ULK4: variants seen among roughly 807,000 people sequenced by gnomAD.
ULK4 encodes unc-51 like kinase 4.
A neutral mutation model predicts 160.6 loss-of-function variants in ULK4; 133 were observed. The ratio of observed to expected loss-of-function variants is 0.83; its 90% CI spans 0.72 to 0.96. The LOEUF is 0.96. ULK4 is among the 40% of genes least tolerant of loss of function. The pLI, the probability that ULK4 is intolerant of heterozygous loss-of-function variation, is 0.00. For missense variants in ULK4, 1,580 were observed against 1,499.5 expected (o/e 1.05, Z -0.89); for synonymous variants, 534 against 539.8 (o/e 0.99, Z 0.15).
At chr3:41,689,528 C>T (rs1171573027) in intron 27 of ULK4, among the ~76,000 whole-genome samples, 3 of 152,064 alleles carry the variant, frequency 2.0e-5, no homozygotes, top group Non-Finnish European at 1.5e-5. Flanking sequence ...AGAAAATTTT[C>T]GCAACCTACT....
Position 41,896,900 on chromosome 3 carries a change from G to C in ULK4, c.1452C>G (p.Ala484=). The C allele has an allele frequency of 6.2e-7, 1 of 1,613,546 alleles. No homozygotes were observed. Among genetic ancestry groups the C allele is most frequent in the Non-Finnish European group, 8.5e-7 (1 of 1,179,856 alleles). Residue 484 remains alanine, a synonymous_variant, in exon 15 of 37, where the codon GCC becomes GCG. Coordinates refer to ENST00000301831, the MANE Select transcript of ULK4 (RefSeq NM_017886.4). Reference sequence around the variant, plus strand: ...ACAAATAGCAAAGGAGATTCAGCTTGGCTCGGGAGGCCCCCATGCTCTTCT... The same window carrying C: ...ACAAATAGCAAAGGAGATTCAGCTTCGCTCGGGAGGCCCCCATGCTCTTCT... ...STEKSMGASR[A]KLNLLCYLCV... is the part of the protein sequence containing the mutation.
chr3:41,570,465 C>T (rs538443675), intron 31 of ULK4, among the ~76,000 whole-genome samples: 1 of 151,934 alleles, frequency 6.6e-6, no homozygotes, highest in Admixed American at 6.6e-5. Context: ...AAGTAACCAA[C>T]GATACATAAA....
intron 32 of ULK4, among the ~76,000 whole-genome samples, chr3:41,495,970 A>G (rs2084973373): frequency 6.6e-6 from 1 of 152,120 alleles, no homozygotes; most frequent in Non-Finnish European, 1.5e-5. Context: ...AGAAGCCATA[A>G]AAGATTTATA....
At chr3:41,564,970 C>T (rs1184434220) in intron 32 of ULK4, among the ~76,000 whole-genome samples, 3 of 152,096 alleles carry the variant, frequency 2.0e-5, no homozygotes, top group African/African-American at 7.2e-5. Flanking sequence ...CATATGTTTG[C>T]CACACCTCTT....
At chr3:41,608,484 C>G (rs1420983262) in intron 31 of ULK4, among the ~76,000 whole-genome samples, 2 of 152,132 alleles carry the variant, frequency 1.3e-5, no homozygotes, top group African/African-American at 4.8e-5. Context: ...GAAAAAGTAA[C>G]ATTCATTGGT....
At chr3:41,458,707 G>C (rs1444877904) in intron 33 of ULK4, among the ~76,000 whole-genome samples, 1 of 152,130 alleles carries the variant, frequency 6.6e-6, no homozygotes, top group Non-Finnish European at 1.5e-5. Context: ...ATACACAGAA[G>C]TAAGGCATCT....
chr3:41,256,964 C>G (rs978950397), intron 35 of ULK4, among the ~76,000 whole-genome samples: 1 of 152,170 alleles, frequency 6.6e-6, no homozygotes, highest in Non-Finnish European at 1.5e-5. Context: ...AAGCAATCTT[C>G]TTGCTTGGCC....
chr3:41,329,661 T>C (rs1261744128), intron 35 of ULK4, among the ~76,000 whole-genome samples: 1 of 152,244 alleles, frequency 6.6e-6, no homozygotes, highest in Non-Finnish European at 1.5e-5. Context: ...TACCTCATTA[T>C]TTTTAAGAAC....
At chr3:41,301,543 A>G (rs2079797886) in intron 35 of ULK4, among the ~76,000 whole-genome samples, 1 of 152,232 alleles carries the variant, frequency 6.6e-6, no homozygotes, top group Non-Finnish European at 1.5e-5. Context: ...AGCACTGGGT[A>G]GAAGAGTTGA....
chr3:41,859,022 C>T (rs2042436988), intron 17 of ULK4, among the ~76,000 whole-genome samples: 1 of 152,136 alleles, frequency 6.6e-6, no homozygotes, highest in Admixed American at 6.6e-5. Context: ...AGGCAGGAGC[C>T]ATCTTCAAAT....
At chr3:41,801,754 G>C (rs2040465939) in intron 19 of ULK4, among the ~76,000 whole-genome samples, 1 of 152,004 alleles carries the variant, frequency 6.6e-6, no homozygotes, top group Non-Finnish European at 1.5e-5. Flanking sequence ...GGGAGGCTGA[G>C]GTGGGAGGAT....
chr3:41,343,929 AT>A (rs1294927368), intron 35 of ULK4, among the ~76,000 whole-genome samples: 1 of 152,168 alleles, frequency 6.6e-6, no homozygotes, highest in Non-Finnish European at 1.5e-5. Flanking sequence ...TCTCAATGCA[AT>A]TCCCATTAAA....
At chr3:41,693,050 A>C (rs955947172) in intron 27 of ULK4, among the ~76,000 whole-genome samples, 1 of 152,240 alleles carries the variant, frequency 6.6e-6, no homozygotes, top group South Asian at 2.1e-4. Context: ...TTGCATCACT[A>C]AACCTTATTT....
intron 34 of ULK4, among the ~76,000 whole-genome samples, chr3:41,408,530 A>T (rs188770668): frequency 6.7e-4 from 102 of 152,180 alleles, no homozygotes; most frequent in African/African-American, 2.4e-3. Context: ...AGATGGCAAC[A>T]CACTCAAAAT....
chr3:41,264,801 A>C (rs2079001854), intron 35 of ULK4, among the ~76,000 whole-genome samples: 1 of 152,206 alleles, frequency 6.6e-6, no homozygotes, highest in Non-Finnish European at 1.5e-5. Context: ...TGGAATTTTT[A>C]CGTGAAGTCT....
At chr3:41,626,466 T>G (rs948079749) in intron 30 of ULK4, among the ~76,000 whole-genome samples, 2 of 151,888 alleles carry the variant, frequency 1.3e-5, no homozygotes, top group African/African-American at 4.8e-5. Flanking sequence ...CTGTGATTAT[T>G]AAATAATTAA....
intron 17 of ULK4, among the ~76,000 whole-genome samples, chr3:41,838,456 AATAC>A (rs1261038645): frequency 1.3e-5 from 2 of 152,202 alleles, no homozygotes; most frequent in African/African-American, 4.8e-5. Flanking sequence ...GTATGTATAT[AATAC>A]ATACAGCAAT....
intron 35 of ULK4, among the ~76,000 whole-genome samples, chr3:41,393,866 G>A (rs956062953): frequency 7.2e-5 from 11 of 152,142 alleles, no homozygotes; most frequent in Admixed American, 1.3e-4. Context: ...TACTTCGAAG[G>A]AGGATGGGCT....
chr3:41,319,095 C>T (rs1237026524), intron 35 of ULK4, among the ~76,000 whole-genome samples: 3 of 152,090 alleles, frequency 2.0e-5, no homozygotes, highest in Non-Finnish European at 4.4e-5. Flanking sequence ...GAAATAGGGT[C>T]TTTATTTTAC....
Sources: allele counts gnomAD v4.1 joint callset (sites outside exome capture counted in the v4.1 genomes callset), GRCh38; gene constraint gnomAD v4.1.1; transcripts MANE v1.5; gene names NCBI Gene and HGNC (gene_info 2026-07-23, HGNC 2026-07-21).